PCDH15: variants seen among roughly 807,000 people sequenced by gnomAD.
PCDH15 encodes protocadherin-15.
A neutral mutation model predicts 178.5 loss-of-function variants in PCDH15; 129 were observed. The observed-to-expected ratio is 0.72, with a 90% CI of 0.63 to 0.84. PCDH15 has a LOEUF of 0.84. PCDH15 is among the 40% of genes least tolerant of loss of function. PCDH15 has a pLI of 0.00. For synonymous variants in PCDH15, 800 were observed against 732.0 expected (o/e 1.09, Z -1.50); for missense variants, 2,230 against 2,099.9 (o/e 1.06, Z -1.21).
chr10:54,910,726 A>T (rs1280637402), intron 2 of PCDH15, among the ~76,000 whole-genome samples: 1 of 152,234 alleles, frequency 6.6e-6, no homozygotes, highest in Non-Finnish European at 1.5e-5. Flanking sequence ...TATGCAAAAC[A>T]ATAGGTTTTT....
chr10:53,920,186 T>C (rs1361636936), intron 25 of PCDH15, among the ~76,000 whole-genome samples: 2 of 152,250 alleles, frequency 1.3e-5, no homozygotes, highest in South Asian at 2.1e-4. Context: ...TGCTTTCTCA[T>C]GTATAAACTG....
At chr10:55,210,325 T>C (rs571218620) in intron 1 of PCDH15, among the ~76,000 whole-genome samples, 1 of 152,106 alleles carries the variant, frequency 6.6e-6, no homozygotes, top group East Asian at 1.9e-4. Flanking sequence ...TTATGAAGTT[T>C]TTAACCCCAG....
chr10:54,684,763 C>A (rs575229834), intron 1 of PCDH15, among the ~76,000 whole-genome samples: 1 of 151,974 alleles, frequency 6.6e-6, no homozygotes, highest in African/African-American at 2.4e-5. Flanking sequence ...CAGCAACAAT[C>A]ATTTCCAGCG....
chr10:53,856,528 C>T (rs1489632514), intron 28 of PCDH15, among the ~76,000 whole-genome samples: 1 of 152,018 alleles, frequency 6.6e-6, no homozygotes, highest in African/African-American at 2.4e-5. Context: ...AGACACATTG[C>T]TTTGAGAAAT....
intron 2 of PCDH15, among the ~76,000 whole-genome samples, chr10:55,580,807 C>T (rs564876970): frequency 1.2e-4 from 19 of 152,212 alleles, no homozygotes; most frequent in Non-Finnish European, 2.2e-4. Context: ...CAGCATCAGA[C>T]TGCATCTTCA....
At chr10:54,257,575 A>C (rs2057011924) in intron 8 of PCDH15, among the ~76,000 whole-genome samples, 1 of 152,070 alleles carries the variant, frequency 6.6e-6, no homozygotes, top group South Asian at 2.1e-4. Flanking sequence ...GCAAATGATG[A>C]GATTTTTTAA....
At chr10:53,999,403 C>T (rs958529384) in intron 20 of PCDH15, among the ~76,000 whole-genome samples, 1 of 152,138 alleles carries the variant, frequency 6.6e-6, no homozygotes, top group African/African-American at 2.4e-5. Context: ...TTTTTTCTCT[C>T]TCAATTTCTG....
At chr10:54,748,119 A>T (rs2132925600) in intron 1 of PCDH15, among the ~76,000 whole-genome samples, 1 of 152,214 alleles carries the variant, frequency 6.6e-6, no homozygotes, top group East Asian at 1.9e-4. Flanking sequence ...CAATGGTTAC[A>T]TTCTTATTTG....
intron 1 of PCDH15, among the ~76,000 whole-genome samples, chr10:54,680,596 G>T (rs369965173): frequency 6.6e-6 from 1 of 152,228 alleles, no homozygotes; most frequent in East Asian, 1.9e-4. Flanking sequence ...TAATCCCCAT[G>T]TGTCAAGGGT....
chr10:54,420,228 T>C (rs1220076886), intron 3 of PCDH15, among the ~76,000 whole-genome samples: 1 of 152,086 alleles, frequency 6.6e-6, no homozygotes, highest in African/African-American at 2.4e-5. Context: ...TTTCAAAGAA[T>C]GAAAAACCGG....
intron 2 of PCDH15, among the ~76,000 whole-genome samples, chr10:55,409,910 G>C (rs1433252817): frequency 1.3e-5 from 2 of 152,088 alleles, no homozygotes; most frequent in African/African-American, 4.8e-5. Flanking sequence ...AATCATGATA[G>C]GAACTAAGAA....
rs59539087 is a variant in PCDH15 at position 54,583,926 on chromosome 10, C to T, written c.92-56049G>A. ...CATTTTATCATTTAAAATTAAGATTCGACTAAAAGATCAATAGAAAAATAT... is the reference window on the plus strand; with the variant it reads ...CATTTTATCATTTAAAATTAAGATTTGACTAAAAGATCAATAGAAAAATAT... On this transcript the variant is annotated intron_variant, in intron 2 of 37. Coordinates refer to ENST00000644397, the MANE Select transcript of PCDH15 (RefSeq NM_001384140.1). 1.2e-3 allele frequency among the ~76,000 whole-genome samples: 183 copies of T among 151,606 alleles called. 1 individual carries two copies. The highest frequency in any genetic ancestry group is 6.8e-3 in the Middle Eastern group (2 of 294).
chr10:55,251,214 T>A (rs141822438), intron 1 of PCDH15, among the ~76,000 whole-genome samples: 180 of 152,274 alleles, frequency 1.2e-3, no homozygotes, highest in African/African-American at 4.2e-3. Flanking sequence ...TGTTTGTGTA[T>A]ATTTAGTTTT....
At chr10:54,463,633 C>A (rs1326134313) in intron 3 of PCDH15, among the ~76,000 whole-genome samples, 1 of 152,078 alleles carries the variant, frequency 6.6e-6, no homozygotes. Flanking sequence ...GGTATAAACA[C>A]TTCTACCAGA....
chr10:54,060,449 A>G (rs1437474385), intron 18 of PCDH15, among the ~76,000 whole-genome samples: 1 of 152,142 alleles, frequency 6.6e-6, no homozygotes, highest in Admixed American at 6.5e-5. Context: ...ACGTAGCCAT[A>G]CTTTATAAAT....
rs369029502 is a variant in PCDH15, at chr10:55,455,469, AC to A, written c.-156+172155del. Among the ~76,000 whole-genome samples, 390 of 152,296 alleles carry A rather than the reference AC, an allele frequency of 2.6e-3. 1 individual carries two copies. Among genetic ancestry groups the A allele is most frequent in the African/African-American group, 8.7e-3 (363 of 41,566 alleles). Reference sequence around the variant, plus strand: ...TGACACTAAAAAACAGCTGGAAGTTACCATATAGTATCAACAATTACCATTT... The same window carrying A: ...TGACACTAAAAAACAGCTGGAAGTTACATATAGTATCAACAATTACCATTT... On this transcript the variant is annotated intron_variant, in intron 2 of 5. Transcript: ENST00000613346.
chr10:55,334,289 T>C (rs1169618998), intron 2 of PCDH15, among the ~76,000 whole-genome samples: 6 of 130,180 alleles, frequency 4.6e-5, no homozygotes, highest in Non-Finnish European at 9.4e-5. Flanking sequence ...TGTGTGTATG[T>C]GTATATATCT....
intron 2 of PCDH15, among the ~76,000 whole-genome samples, chr10:55,047,517 T>C (rs932386537): frequency 6.6e-6 from 1 of 151,812 alleles, no homozygotes; most frequent in African/African-American, 2.4e-5. Flanking sequence ...GAAGAACTCA[T>C]AGCTAACTGG....
intron 2 of PCDH15, among the ~76,000 whole-genome samples, chr10:55,349,533 T>C (rs77823311): frequency 0.015 from 2,272 of 152,160 alleles, 50 homozygotes; most frequent in African/African-American, 0.052. Flanking sequence ...TTTTGGATAT[T>C]TTGCTTTTTA....
Sources: allele counts gnomAD v4.1 joint callset (sites outside exome capture counted in the v4.1 genomes callset), GRCh38; gene constraint gnomAD v4.1.1; transcripts MANE v1.5; gene names NCBI Gene and HGNC (gene_info 2026-07-23, HGNC 2026-07-21).